The following ACSL4 variants were observed in gnomAD, a reference collection of about 807,000 sequenced individuals.
The protein encoded by ACSL4 is acyl-CoA synthetase long chain family member 4, also known as long-chain-fatty-acid--CoA ligase 4.
A neutral mutation model predicts 49.1 loss-of-function variants in ACSL4; 9 were observed. The ratio of observed to expected loss-of-function variants is 0.18; its 90% CI spans 0.11 to 0.32. ACSL4 has a LOEUF of 0.32. ACSL4 is among the 10% of genes least tolerant of loss of function. The pLI, the probability that ACSL4 is intolerant of heterozygous loss-of-function variation, is 1.00. For missense variants in ACSL4, 333 were observed against 493.7 expected, an observed-to-expected ratio of 0.67 and a Z score of 3.08; for synonymous variants, 191 against 170.3, an observed-to-expected ratio of 1.12 and a Z score of -0.95.
chrX:109,669,614 C>T (rs1357637395), intron 9 of ACSL4, among the ~76,000 whole-genome samples: 3 of 111,544 alleles, frequency 2.7e-5, no homozygotes, highest in Middle Eastern at 4.6e-3. Context: ...AGGCTGGTGT[C>T]GAACTCCTGA....
intron 6 of ACSL4, among the ~76,000 whole-genome samples, chrX:109,680,292 A>G (rs1924060622): frequency 8.9e-6 from 1 of 111,836 alleles, no homozygotes; most frequent in African/African-American, 3.3e-5. Flanking sequence ...AGATGTGTAT[A>G]ATAACACCTG....
chrX:109,706,104 G>A (rs1429325353), intron 1 of ACSL4, among the ~76,000 whole-genome samples: 1 of 112,488 alleles, frequency 8.9e-6, no homozygotes, highest in Non-Finnish European at 1.9e-5. Flanking sequence ...TGAAGTTCTA[G>A]GTTGACATTA....
Position 109,655,094 on chromosome X carries a change from C to T in ACSL4, c.1855+4260G>A, listed in dbSNP as rs752706996. Among the ~76,000 whole-genome samples the T allele has an allele frequency of 3.9e-4, 44 of 111,630 alleles. 2 individuals are homozygous for T. The highest frequency in any genetic ancestry group is 1.3e-3 in the African/African-American group (39 of 30,673). On this transcript the variant is annotated intron_variant, in intron 15 of 15. Coordinates refer to ENST00000672401, the MANE Select transcript of ACSL4 (RefSeq NM_001318510.2). ...ATGACTTAAGAGAAAAAGACACTAA[C>T]GTTGGAATGCCTTTTCAGTGAAGCC... is the stretch of plus-strand genomic sequence containing the variant.
At chrX:109,702,494 T>A (rs1421717269) in intron 1 of ACSL4, among the ~76,000 whole-genome samples, 2 of 112,374 alleles carry the variant, frequency 1.8e-5, no homozygotes, top group Admixed American at 9.4e-5. Flanking sequence ...AAGGGTATGA[T>A]CATTTTATAT....
intron 15 of ACSL4, among the ~76,000 whole-genome samples, chrX:109,648,373 C>T (rs151298855): frequency 0.038 from 4,266 of 111,606 alleles, 205 homozygotes; most frequent in African/African-American, 0.13. Flanking sequence ...GTTTAATATA[C>T]GCAAATCAAT....
At chrX:109,683,067 C>A in intron 3 of ACSL4, 69 bp downstream of exon 3, 1 of 1,119,868 alleles carries the variant, frequency 8.9e-7, no homozygotes, top group East Asian at 3.1e-5. Context: ...TTAAAACGCA[C>A]TCGATTTATG....
chrX:109,662,759 T>A lies in ACSL4; in HGVS notation c.1582+452A>T, dbSNP rs5985757. Among the ~76,000 whole-genome samples, 641 of 111,299 alleles carry A rather than the reference T, an allele frequency of 5.8e-3. 2 individuals carry two copies. Among genetic ancestry groups the A allele is most frequent in the African/African-American group, 0.02 (617 of 30,675 alleles). On this transcript the variant is annotated intron_variant, in intron 13 of 15. Transcript: ENST00000672401. ...AGCCAACAGTAAAAAAAAATATATGTGCCCATGCTGCCCCTTGGGTGGAGA... is the reference window on the plus strand; with the variant it reads ...AGCCAACAGTAAAAAAAAATATATGAGCCCATGCTGCCCCTTGGGTGGAGA...
At chrX:109,650,274 A>G (rs1156802891) in intron 15 of ACSL4, among the ~76,000 whole-genome samples, 1 of 110,554 alleles carries the variant, frequency 9.0e-6, no homozygotes, top group Non-Finnish European at 1.9e-5. Flanking sequence ...CTTGGAACCA[A>G]CCCAAATGTC....
At chrX:109,722,074 T>C (rs770712429) in intron 1 of ACSL4, among the ~76,000 whole-genome samples, 1 of 111,713 alleles carries the variant, frequency 9.0e-6, no homozygotes, top group African/African-American at 3.3e-5. Flanking sequence ...ATTAACACCA[T>C]TGTCTACCAG....
chrX:109,676,027 G>T lies in ACSL4; in HGVS notation c.931-1554C>A, dbSNP rs148036928. Among the ~76,000 whole-genome samples, 634 of 111,529 alleles carry T rather than the reference G, an allele frequency of 5.7e-3. 6 individuals carry two copies. The highest frequency in any genetic ancestry group is 0.018 in the African/African-American group (546 of 30,682). On this transcript the variant is annotated intron_variant, in intron 8 of 15. Coordinates refer to ENST00000672401, the MANE Select transcript of ACSL4 (RefSeq NM_001318510.2). ...CTAGGAGTTGTTTGGAACAGAATGC[G>T]TTCTCACAGAAAAAGCCACTTTAAA...
chrX:109,707,715 G>A (rs1432786728), intron 1 of ACSL4, among the ~76,000 whole-genome samples: 1 of 111,167 alleles, frequency 9.0e-6, no homozygotes, highest in Non-Finnish European at 1.9e-5. Flanking sequence ...AAAAAAAATA[G>A]GAACAACTTC....
intron 12 of ACSL4, among the ~76,000 whole-genome samples, chrX:109,664,241 C>G (rs548219384): frequency 8.1e-5 from 9 of 111,256 alleles, no homozygotes; most frequent in African/African-American, 2.9e-4. Context: ...AATACATGTT[C>G]AACAAGGGAC....
In ACSL4 at chrX:109,681,425, A is replaced by T. The variant is rs749258739; in HGVS notation, c.407-50T>A. The T allele has an allele frequency of 4.6e-6, 4 of 864,055 alleles. No individual in the cohort carries two copies. The African/African-American group carries it at 8.1e-5, about 17-fold the overall frequency. The allele number at this position is 864,055 out of a possible 1,213,427, so 71.2% of individuals were successfully genotyped here. ...TATTAAGTAATAAACATCTATTAGA[A>T]ATGGATATTATTGAAGTCAGTCTTT... On this transcript the variant is annotated intron_variant, in intron 4 of 15. Transcript: ENST00000672401.
At chrX:109,721,842 C>T (rs1019550836) in intron 1 of ACSL4, among the ~76,000 whole-genome samples, 6 of 112,109 alleles carry the variant, frequency 5.4e-5, no homozygotes, top group Non-Finnish European at 1.1e-4. Context: ...TTAACATTTT[C>T]AATGCCTCTG....
intron 1 of ACSL4, among the ~76,000 whole-genome samples, chrX:109,722,406 T>C (rs752748691): frequency 8.9e-6 from 1 of 112,137 alleles, no homozygotes; most frequent in African/African-American, 3.2e-5. Context: ...TTTTATAAGT[T>C]GCAAAAGAAT....
chrX:109,652,480 T>C (rs186973710), intron 15 of ACSL4, among the ~76,000 whole-genome samples: 1 of 111,460 alleles, frequency 9.0e-6, no homozygotes, highest in Admixed American at 9.6e-5. Context: ...TCTACACAAT[T>C]AAATATGCAA....
In ACSL4 at chrX:109,666,308, T is replaced by A. The variant is rs191448272; in HGVS notation, c.1316-814A>T. On this transcript the variant is annotated intron_variant, in intron 11 of 15. Coordinates refer to ENST00000672401, the MANE Select transcript of ACSL4 (RefSeq NM_001318510.2). ...GGCATTAAAAGATGGTTGTGATCAA[T>A]AAGCAAAAAGGACATTCCAAGAGAA... 2.7e-3 allele frequency among the ~76,000 whole-genome samples: 307 copies of A among 111,743 alleles called. 1 individual carries two copies. The highest frequency in any genetic ancestry group is 8.7e-3 in the African/African-American group (269 of 30,753).
At position 109,727,657 on chromosome X, in the gene ACSL4, T is replaced by TTGTGTGTGTGTG. The variant is rs35186119; in HGVS notation, c.-66+5470_-66+5481dup. ...TAAAAAGTCAGGGTAGTTTGTTAAA[T>TTGTGTGTGTGTG]TGTGTGTGTGTGTGTGTGTGTGTGT... On this transcript the variant is annotated intron_variant, in intron 1 of 15. Transcript: ENST00000672401. Among the ~76,000 whole-genome samples, 129 of 88,400 alleles carry TTGTGTGTGTGTG rather than the reference T, an allele frequency of 1.5e-3. 1 individual carries two copies. The highest frequency in any genetic ancestry group is 2.0e-3 in the Non-Finnish European group (92 of 46,688). 76.8% of individuals were successfully genotyped at this position (88,400 alleles called of 115,157 possible). A position where few individuals can be genotyped will look rare whatever the true frequency, so the allele number is the denominator to read the frequency against.
chrX:109,697,323 G>C (rs1449766956), intron 1 of ACSL4, among the ~76,000 whole-genome samples: 1 of 111,791 alleles, frequency 8.9e-6, no homozygotes, highest in African/African-American at 3.2e-5. Context: ...ATGATTATGA[G>C]AATAACCCTT....
Sources: gnomAD v4.1 joint callset for allele counts (sites outside exome capture counted in the v4.1 genomes callset) on GRCh38, gnomAD v4.1.1 for gene constraint, MANE v1.5 for transcripts, NCBI Gene and HGNC (gene_info 2026-07-23, HGNC 2026-07-21) for gene names.